The following AKAP9 variants were observed in gnomAD, a reference collection of about 807,000 sequenced individuals.
AKAP9 encodes A-kinase anchoring protein 9.
AKAP9 carries 311 observed loss-of-function variants against 488.5 expected under a neutral mutation model. The observed-to-expected ratio is 0.64, with a 90% CI of 0.58 to 0.70. The LOEUF is 0.70. AKAP9 is among the 30% of genes least tolerant of loss of function. The pLI is 0.00. For synonymous variants in AKAP9, 1,462 were observed against 1,483.5 expected (o/e 0.99, Z 0.33); for missense variants, 4,215 against 4,374.5 (o/e 0.96, Z 1.03).
At chr7:92,041,706 A>G (rs10225892) in intron 18 of AKAP9, 101,226 of 226,968 alleles carry the variant, frequency 0.45, 24,139 homozygotes, top group African/African-American at 0.64. Context: ...TAAAATAATA[A>G]GATAATTGGG....
intron 22 of AKAP9, among the ~76,000 whole-genome samples, 192 bp downstream of exon 22, chr7:92,053,150 C>T (rs1385774777): frequency 6.6e-6 from 1 of 152,080 alleles, no homozygotes; most frequent in Non-Finnish European, 1.5e-5. Context: ...TACTGAATTC[C>T]TACATGATCC....
At chr7:91,965,426 T>C in intron 1 of AKAP9, among the ~76,000 whole-genome samples, 1 of 152,204 alleles carries the variant, frequency 6.6e-6, no homozygotes. Context: ...CTTTATCCGT[T>C]TATCAATTGA....
At chr7:92,038,292 T>C in intron 16 of AKAP9, 127 bp from the exon 17 acceptor site, 1 of 636,076 alleles carries the variant, frequency 1.6e-6, no homozygotes, top group Non-Finnish European at 2.7e-6. Flanking sequence ...TTATAGGATT[T>C]CTTTTTGTTT....
intron 22 of AKAP9, among the ~76,000 whole-genome samples, chr7:92,055,639 G>C (rs548282199): frequency 6.6e-6 from 1 of 152,098 alleles, no homozygotes; most frequent in African/African-American, 2.4e-5. Context: ...TAATAAGCTA[G>C]TCTGGATAAT....
chr7:92,065,735 A>G (rs1289722374), intron 25 of AKAP9, among the ~76,000 whole-genome samples: 1 of 152,190 alleles, frequency 6.6e-6, no homozygotes, highest in Non-Finnish European at 1.5e-5. Flanking sequence ...TAGTTTTCCA[A>G]ATTCAGATCA....
At chr7:92,052,643 A>C in intron 21 of AKAP9, 83 bp from the exon 22 acceptor site, 1 of 936,024 alleles carries the variant, frequency 1.1e-6, no homozygotes, top group Non-Finnish European at 1.6e-6. Flanking sequence ...CATGATTTCC[A>C]GTTTAGTTTG....
At position 91,989,720 on chromosome 7, in the gene AKAP9, T is replaced by C. The variant is rs532486133; in HGVS notation, c.352-2438T>C. Among the ~76,000 whole-genome samples the C allele has an allele frequency of 2.3e-4, 35 of 152,192 alleles. No individual in the cohort carries two copies. In the South Asian group the frequency reaches 6.8e-3, roughly 30 times the overall value. ...CAACTCCATAAGTCATTTAGGCACA[T>C]TGAACTCTTATAATTTTCATGAACT... On this transcript the variant is annotated intron_variant, in intron 3 of 49. Transcript: ENST00000356239.
chr7:92,073,591 T>C (rs908619108), intron 28 of AKAP9, among the ~76,000 whole-genome samples: 1 of 152,092 alleles, frequency 6.6e-6, no homozygotes, highest in Non-Finnish European at 1.5e-5. Flanking sequence ...TTAAAACAAA[T>C]ATTTACCAGC....
At chr7:91,983,229 G>A (rs1796657759) in intron 3 of AKAP9, among the ~76,000 whole-genome samples, 1 of 152,002 alleles carries the variant, frequency 6.6e-6, no homozygotes, top group African/African-American at 2.4e-5. Flanking sequence ...AGGCCCCCAT[G>A]TGTGATGTTC....
At chr7:92,109,900 A>G (rs929092468) in intron 49 of AKAP9, among the ~76,000 whole-genome samples, 1 of 152,172 alleles carries the variant, frequency 6.6e-6, no homozygotes, top group Non-Finnish European at 1.5e-5. Context: ...GCAGTGAGCC[A>G]AGATCACACC....
chr7:92,000,833 T>C lies in AKAP9; in HGVS notation c.931-15T>C. ...TAAAAATGCCATTCTTACATTTTCA[T>C]TTTTTTTCCTAAAGGAACAAGATAA... On this transcript the variant is annotated splice_polypyrimidine_tract_variant and intron_variant, in intron 7 of 49. Transcript: ENST00000356239. 2 of 1,284,666 alleles carry C rather than the reference T, an allele frequency of 1.6e-6. No individual in the cohort carries two copies. Among genetic ancestry groups the C allele is most frequent in the East Asian group, 2.6e-5 (1 of 38,080 alleles). The allele number at this position is 1,284,666 out of a possible 1,614,324, so 79.6% of individuals were successfully genotyped here.
rs1190438250 is a variant in AKAP9 at position 91,959,290 on chromosome 7, A to T, written c.49-14421A>T. On this transcript the variant is annotated intron_variant, in intron 1 of 49. Transcript: ENST00000356239. ...TGGTTTTTAAAATAATTTTAATTTT[A>T]TTATTACTACTATTTTTGAGATAGG... 2.0e-5 allele frequency among the ~76,000 whole-genome samples: 3 copies of T among 151,748 alleles called. No individual in the cohort carries two copies. The East Asian group carries it at 5.8e-4, about 29-fold the overall frequency.
In AKAP9 at chr7:92,083,203, G is replaced by C; in HGVS notation, c.8194G>C (p.Asp2732His). The C allele has an allele frequency of 6.2e-7, 1 of 1,614,042 alleles. No individual in the cohort carries two copies. The highest frequency in any genetic ancestry group is 8.5e-7 in the Non-Finnish European group (1 of 1,179,980). The part of the protein sequence containing the change: ...KETNMTSLQK[D>H]LSQVRDHLAE... ...AACAAATATGACATCTCTTCAGAAA[G>C]ACTTAAGCCAAGTTAGGGATCACCT... The change falls in exon 33 of 50, where the codon GAC becomes CAC. Residue 2732 changes from aspartate (D) to histidine (H), a missense_variant. Around this residue, in one of 5 missense-constraint regions of AKAP9, gnomAD observed 1,476 missense variants for 1,477.4 expected, o/e 1.00. Transcript: ENST00000356239.
chr7:91,999,760 C>G (rs541754071), intron 7 of AKAP9, among the ~76,000 whole-genome samples: 1 of 152,244 alleles, frequency 6.6e-6, no homozygotes, highest in East Asian at 1.9e-4. Context: ...CTAGAGCAAC[C>G]AAAATTCTCA....
At chr7:92,039,917 G>C (rs1805787647) in intron 17 of AKAP9, among the ~76,000 whole-genome samples, 1 of 152,194 alleles carries the variant, frequency 6.6e-6, no homozygotes, top group African/African-American at 2.4e-5. Flanking sequence ...GAAGGTTGCA[G>C]TGAGCCAAGG....
rs1159959036 is a variant in AKAP9, at chr7:91,956,324, C to CG, written c.48+15183dup. On this transcript the variant is annotated intron_variant, in intron 1 of 49. Coordinates refer to ENST00000356239, the MANE Select transcript of AKAP9 (RefSeq NM_005751.5). ...CTGAGGCAGGAGAATGGCGTGGACC[C>CG]GGGGGGCAGAACTTGCAATGGGCCG... Among the ~76,000 whole-genome samples the CG allele has an allele frequency of 5.4e-5, 8 of 148,562 alleles. No individual in the cohort carries two copies. The East Asian group carries it at 1.2e-3, about 23-fold the overall frequency.
At chr7:92,060,411 C>A (rs979104638) in intron 22 of AKAP9, among the ~76,000 whole-genome samples, 2 of 152,004 alleles carry the variant, frequency 1.3e-5, no homozygotes, top group African/African-American at 4.8e-5. Context: ...TCAATTTTTT[C>A]CCATGTAATT....
At chr7:92,093,407 CATG>C (rs1815980855) in intron 39 of AKAP9, 91 bp downstream of exon 39, 1 of 1,115,026 alleles carries the variant, frequency 9.0e-7, no homozygotes, top group Admixed American at 1.9e-5. Context: ...ATGTAACATG[CATG>C]ATATTTAAAT....
At chr7:92,085,171 C>T (rs760358291) in intron 35 of AKAP9, among the ~76,000 whole-genome samples, 2 of 152,018 alleles carry the variant, frequency 1.3e-5, no homozygotes, top group South Asian at 2.1e-4. Flanking sequence ...CTGATGTATT[C>T]GTTTGCCAGA....
Sources: gnomAD v4.1 joint callset for allele counts (sites outside exome capture counted in the v4.1 genomes callset) on GRCh38, gnomAD v4.1.1 for gene constraint, gnomAD v4.1.1 regional missense constraint, MANE v1.5 for transcripts, NCBI Gene and HGNC (gene_info 2026-07-23, HGNC 2026-07-21) for gene names.